The following RASGRP3 variants were observed in gnomAD, a reference collection of about 807,000 sequenced individuals.
The protein encoded by RASGRP3 is ras guanyl-releasing protein 3.
Under a neutral mutation model 82.7 loss-of-function variants are expected in RASGRP3, and 54 were observed. The observed-to-expected ratio is 0.65, with a 90% CI of 0.52 to 0.82. The LOEUF is 0.82. RASGRP3 is among the 40% of genes least tolerant of loss of function. The pLI, the probability that RASGRP3 is intolerant of heterozygous loss-of-function variation, is 0.00. For missense variants in RASGRP3, 861 were observed against 828.9 expected (o/e 1.04, Z -0.48); for synonymous variants, 309 against 300.5 (o/e 1.03, Z -0.29).
At chr2:33,535,144 C>T (rs1323182721) in intron 11 of RASGRP3, among the ~76,000 whole-genome samples, 1 of 152,176 alleles carries the variant, frequency 6.6e-6, no homozygotes, top group East Asian at 1.9e-4. Flanking sequence ...AATTTCTCTA[C>T]TAACCATTGA....
intron 11 of RASGRP3, among the ~76,000 whole-genome samples, chr2:33,537,662 C>G (rs62149020): frequency 7.2e-5 from 11 of 151,832 alleles, no homozygotes; most frequent in Non-Finnish European, 1.3e-4. Flanking sequence ...TACCCAGCCT[C>G]TATAAATATA....
chr2:33,476,262 A>T (rs958488372), upstream of RASGRP3: 5 of 152,202 alleles, frequency 3.3e-5, no homozygotes, highest in Non-Finnish European at 7.3e-5. Context: ...CGAGTTGGTG[A>T]TCCTCTCTCT....
intron 10 of RASGRP3, among the ~76,000 whole-genome samples, chr2:33,529,841 G>A (rs1000824763): frequency 6.8e-6 from 1 of 146,904 alleles, no homozygotes; most frequent in African/African-American, 2.5e-5. Context: ...AACCAGTGGA[G>A]CCTTAAGAAT....
intron 7 of RASGRP3, among the ~76,000 whole-genome samples, chr2:33,523,086 T>C (rs140145713): frequency 5.7e-4 from 87 of 152,346 alleles, no homozygotes; most frequent in African/African-American, 2.0e-3. Flanking sequence ...GATGCTAACT[T>C]GAAATAATTA....
chr2:33,443,646 A>G (rs112272460), intron 1 of RASGRP3, among the ~76,000 whole-genome samples: 13 of 151,084 alleles, frequency 8.6e-5, no homozygotes, highest in African/African-American at 3.2e-4. Context: ...TTTGGGTGGC[A>G]GAGGCTGGAA....
At chr2:33,487,200 A>C (rs1280813769) in intron 1 of RASGRP3, among the ~76,000 whole-genome samples, 1 of 152,252 alleles carries the variant, frequency 6.6e-6, no homozygotes, top group Admixed American at 6.5e-5. Context: ...TCAGACATGC[A>C]AAATAATTAA....
At chr2:33,525,240 G>A (rs905879446) in intron 9 of RASGRP3, among the ~76,000 whole-genome samples, 1 of 151,916 alleles carries the variant, frequency 6.6e-6, no homozygotes, top group South Asian at 2.1e-4. Flanking sequence ...TAAAGTCATT[G>A]AATGACTATT....
At chr2:33,439,591 C>T (rs576204431) in intron 1 of RASGRP3, among the ~76,000 whole-genome samples, 1 of 152,316 alleles carries the variant, frequency 6.6e-6, no homozygotes, top group South Asian at 2.1e-4. Context: ...ATGGGACCTA[C>T]TTATACGAAA....
At chr2:33,473,935 G>A (rs936732518), upstream of RASGRP3, among the ~76,000 whole-genome samples, 2 of 152,134 alleles carry the variant, frequency 1.3e-5, no homozygotes, top group Non-Finnish European at 2.9e-5. Context: ...AGATCATCAG[G>A]CATTAGACTC....
chr2:33,518,431 G>T (rs895043235), intron 4 of RASGRP3, among the ~76,000 whole-genome samples: 2 of 152,220 alleles, frequency 1.3e-5, no homozygotes, highest in Non-Finnish European at 2.9e-5. Context: ...GGGTGAGTCA[G>T]TGAGTGAGTG....
At chr2:33,491,173 G>GT (rs2150959076) in intron 1 of RASGRP3, among the ~76,000 whole-genome samples, 1 of 126 alleles carries the variant, frequency 7.9e-3, no homozygotes, top group South Asian at 0.25. Flanking sequence ...AAAATTAGCT[G>GT]GTGTGGTGGT....
At chr2:33,534,614 C>A (rs369818268) in intron 11 of RASGRP3, among the ~76,000 whole-genome samples, 1 of 151,914 alleles carries the variant, frequency 6.6e-6, no homozygotes. Flanking sequence ...CTGAAACCTC[C>A]GCCTCCTGGG....
At chr2:33,514,528 C>A (rs1187740360) in intron 2 of RASGRP3, among the ~76,000 whole-genome samples, 86 of 79,798 alleles carry the variant, frequency 1.1e-3, no homozygotes, top group African/African-American at 2.7e-3. Flanking sequence ...AAAAAAAAAA[C>A]CCAAAAAATA....
At chr2:33,504,151 A>G (rs1420939600) in intron 1 of RASGRP3, among the ~76,000 whole-genome samples, 1 of 152,164 alleles carries the variant, frequency 6.6e-6, no homozygotes, top group East Asian at 1.9e-4. Flanking sequence ...TAATTCTGGA[A>G]TCATGTTCAG....
In RASGRP3 at chr2:33,490,027, A is replaced by G. The variant is rs1440211941; in HGVS notation, c.-261+13320A>G. On this transcript the variant is annotated intron_variant, in intron 1 of 17. Coordinates refer to ENST00000403687, the MANE Select transcript of RASGRP3 (RefSeq NM_001139488.2). ...CTTGCTGCCAACCTGATGACTGTAT[A>G]TCTCTATGATTTATGTGATTCTTTC... Among the ~76,000 whole-genome samples, 6 of 152,202 alleles carry G rather than the reference A, an allele frequency of 3.9e-5. No homozygotes were observed. The East Asian group carries it at 9.6e-4, about 24-fold the overall frequency.
chr2:33,442,405 T>A (rs1665274347), intron 1 of RASGRP3, among the ~76,000 whole-genome samples: 2 of 152,208 alleles, frequency 1.3e-5, no homozygotes, highest in Admixed American at 1.3e-4. Context: ...TGATTTTGAT[T>A]TTCTACTTTG....
chr2:33,469,170 T>G (rs1666902778), intron 2 of RASGRP3, among the ~76,000 whole-genome samples: 1 of 152,212 alleles, frequency 6.6e-6, no homozygotes, highest in Non-Finnish European at 1.5e-5. Context: ...TTTATTAATA[T>G]CCAGTTGTTA....
chr2:33,504,414 G>A (rs1182967994), intron 1 of RASGRP3, among the ~76,000 whole-genome samples: 1 of 152,162 alleles, frequency 6.6e-6, no homozygotes, highest in African/African-American at 2.4e-5. Flanking sequence ...ATGCTGTTGA[G>A]AATGGGCTCT....
chr2:33,462,903 C>G lies in RASGRP3; in HGVS notation c.-261+14960C>G, dbSNP rs907513374. On this transcript the variant is annotated intron_variant, in intron 2 of 18. Coordinates refer to the RASGRP3 transcript ENST00000402538. ...TTCTGAAAATTCTCCTTATAGTATTCTCTGCACACTAAAATGATTCTCAGA... is the reference window on the plus strand; with the variant it reads ...TTCTGAAAATTCTCCTTATAGTATTGTCTGCACACTAAAATGATTCTCAGA... 2.6e-5 allele frequency among the ~76,000 whole-genome samples: 4 copies of G among 152,306 alleles called. No individual in the cohort carries two copies. The East Asian group carries it at 7.7e-4, about 29-fold the overall frequency.
Sources: gnomAD v4.1 joint callset for allele counts (sites outside exome capture counted in the v4.1 genomes callset) on GRCh38, gnomAD v4.1.1 for gene constraint, MANE v1.5 for transcripts, NCBI Gene and HGNC (gene_info 2026-07-23, HGNC 2026-07-21) for gene names.